Variants in CNTN5 observed in about 807,000 individuals in gnomAD.
The protein encoded by CNTN5 is contactin 5.
In CNTN5, 77 loss-of-function variants were observed where a neutral mutation model predicts 129.1. The ratio of observed to expected loss-of-function variants is 0.60; its 90% CI spans 0.50 to 0.72. The LOEUF is 0.72. Ranked by LOEUF, CNTN5 falls within the 30% of genes least tolerant of loss-of-function variation. The pLI, the probability that CNTN5 is intolerant of heterozygous loss-of-function variation, is 0.00. For synonymous variants in CNTN5, 509 were observed against 465.6 expected, an observed-to-expected ratio of 1.09 and a Z score of -1.20; for missense variants, 1,478 against 1,328.8, an observed-to-expected ratio of 1.11 and a Z score of -1.75.
At chr11:99,560,101 A>G (rs1331253405) in intron 3 of CNTN5, among the ~76,000 whole-genome samples, 1 of 152,172 alleles carries the variant, frequency 6.6e-6, no homozygotes, top group East Asian at 1.9e-4. Context: ...CATTGAAACT[A>G]CTTTGTATGA....
intron 1 of CNTN5, among the ~76,000 whole-genome samples, chr11:99,133,162 T>C (rs962097001): frequency 2.0e-5 from 3 of 152,076 alleles, no homozygotes; most frequent in African/African-American, 7.2e-5. Context: ...AGGAGAGGAT[T>C]CCCTATTCAA....
In CNTN5 at chr11:99,964,737, C is replaced by G. The variant is rs1951047437; in HGVS notation, c.877+7728C>G. On this transcript the variant is annotated intron_variant, in intron 8 of 24. Transcript: ENST00000524871. ...TGGAATAGTTTCAGAAGGCATGGTACCAGCTCCTTCTTGTACCTCTGGTAG... is the reference window on the plus strand; with the variant it reads ...TGGAATAGTTTCAGAAGGCATGGTAGCAGCTCCTTCTTGTACCTCTGGTAG... Among the ~76,000 whole-genome samples the G allele has an allele frequency of 2.0e-5, 3 of 152,158 alleles. 1 individual carries two copies. The South Asian group carries it at 6.2e-4, about 32-fold the overall frequency.
chr11:99,150,572 G>T (rs984830301), intron 1 of CNTN5, among the ~76,000 whole-genome samples: 3 of 151,830 alleles, frequency 2.0e-5, no homozygotes, highest in African/African-American at 7.2e-5. Flanking sequence ...CATTATTCAA[G>T]AATTTGTATC....
At chr11:100,200,139 A>G (rs889658611) in intron 15 of CNTN5, among the ~76,000 whole-genome samples, 1 of 151,936 alleles carries the variant, frequency 6.6e-6, no homozygotes, top group African/African-American at 2.4e-5. Context: ...CACCTAAGAC[A>G]GTCTGTTATT....
chr11:99,384,769 C>T (rs987633973), intron 2 of CNTN5, among the ~76,000 whole-genome samples: 4 of 152,054 alleles, frequency 2.6e-5, no homozygotes, highest in African/African-American at 7.2e-5. Flanking sequence ...AATTAATTGA[C>T]AAATAATAAT....
intron 2 of CNTN5, among the ~76,000 whole-genome samples, chr11:99,339,776 C>A (rs2656211): frequency 0.99 from 149,214 of 150,838 alleles, 73,820 homozygotes; most frequent in East Asian, 1. Flanking sequence ...AGTGAGACTC[C>A]GACTCAAAAA....
At chr11:99,955,406 G>A (rs1397047412) in intron 7 of CNTN5, among the ~76,000 whole-genome samples, 1 of 151,922 alleles carries the variant, frequency 6.6e-6, no homozygotes, top group Non-Finnish European at 1.5e-5. Context: ...TGTACTGAAG[G>A]CTGTCAACTG....
chr11:99,371,050 G>A (rs1251241517), intron 2 of CNTN5, among the ~76,000 whole-genome samples: 1 of 152,118 alleles, frequency 6.6e-6, no homozygotes, highest in East Asian at 1.9e-4. Flanking sequence ...AGCCTCTGTT[G>A]AAGAGAGGCA....
intron 13 of CNTN5, among the ~76,000 whole-genome samples, chr11:100,076,003 G>C (rs1944112054): frequency 6.6e-6 from 1 of 152,018 alleles, no homozygotes; most frequent in Non-Finnish European, 1.5e-5. Flanking sequence ...TCTTAGGTTG[G>C]GGGGCGGGTA....
intron 1 of CNTN5, among the ~76,000 whole-genome samples, chr11:99,222,136 T>G (rs1860425918): frequency 6.6e-6 from 1 of 152,044 alleles, no homozygotes; most frequent in Admixed American, 6.6e-5. Flanking sequence ...CTTGGTTTTT[T>G]ATGTTGCTTG....
chr11:99,786,963 T>C (rs1387496566), intron 3 of CNTN5, among the ~76,000 whole-genome samples: 1 of 152,184 alleles, frequency 6.6e-6, no homozygotes, highest in East Asian at 1.9e-4. Flanking sequence ...CTTATTTAGA[T>C]AACTTCTTAG....
intron 2 of CNTN5, among the ~76,000 whole-genome samples, chr11:99,550,623 C>A (rs1192062919): frequency 6.6e-6 from 1 of 152,110 alleles, no homozygotes; most frequent in African/African-American, 2.4e-5. Context: ...ATACAAGGCC[C>A]TCACATTGAG....
chr11:99,450,530 C>G (rs911328390), intron 2 of CNTN5, among the ~76,000 whole-genome samples: 2 of 152,048 alleles, frequency 1.3e-5, no homozygotes, highest in African/African-American at 4.8e-5. Context: ...CTAGTAGATT[C>G]TATTTCCTTA....
intron 1 of CNTN5, 53 bp from the exon 2 acceptor site, chr11:99,325,293 A>T (rs553429075): frequency 7.5e-6 from 1 of 132,846 alleles, no homozygotes; most frequent in Non-Finnish European, 1.6e-5. Flanking sequence ...GGTCAAGCAA[A>T]GTTGAAAAAA....
At chr11:99,334,370 G>T (rs1174668862) in intron 2 of CNTN5, among the ~76,000 whole-genome samples, 1 of 152,082 alleles carries the variant, frequency 6.6e-6, no homozygotes. Context: ...CTTTGAAATA[G>T]TTCATAAAGT....
chr11:99,745,728 AT>A (rs5794017), intron 3 of CNTN5, among the ~76,000 whole-genome samples: 3,731 of 149,724 alleles, frequency 0.025, 161 homozygotes, highest in African/African-American at 0.081. Flanking sequence ...ACCTGAAGAC[AT>A]TTTTTTTTTT....
At position 100,045,950 on chromosome 11, in the gene CNTN5, TC is replaced by T. The variant is rs1253194365; in HGVS notation, c.981-15261del. 2.0e-5 allele frequency among the ~76,000 whole-genome samples: 3 copies of T among 152,022 alleles called. No individual in the cohort carries two copies. The East Asian group carries it at 5.8e-4, about 29-fold the overall frequency. On this transcript the variant is annotated intron_variant, in intron 9 of 24. Coordinates refer to ENST00000524871, the MANE Select transcript of CNTN5 (RefSeq NM_014361.4). Reference sequence around the variant, plus strand: ...AACACTTTTTTTCCTGTTATTAACATCTTTTATTTTATTTTATTATTATTAT... The same window carrying T: ...AACACTTTTTTTCCTGTTATTAACATTTTTATTTTATTTTATTATTATTAT...
At chr11:99,719,259 G>T (rs1057438909) in intron 3 of CNTN5, among the ~76,000 whole-genome samples, 7 of 151,946 alleles carry the variant, frequency 4.6e-5, no homozygotes, top group Admixed American at 4.6e-4. Flanking sequence ...ATAAAAGGTT[G>T]CAGTGAGCTG....
At chr11:99,541,881 T>C (rs2453254) in intron 2 of CNTN5, among the ~76,000 whole-genome samples, 147,162 of 149,566 alleles carry the variant, frequency 0.98, 72,447 homozygotes, top group East Asian at 1. Context: ...CCTAGGAGAT[T>C]GGGGCTGCAG....
Sources: allele counts gnomAD v4.1 joint callset (sites outside exome capture counted in the v4.1 genomes callset), GRCh38; gene constraint gnomAD v4.1.1; transcripts MANE v1.5; gene names NCBI Gene and HGNC (gene_info 2026-07-23, HGNC 2026-07-21).